NPRL3: variants seen among roughly 807,000 people sequenced by gnomAD.
NPRL3 encodes GATOR1 complex protein NPRL3.
NPRL3 carries 23 observed loss-of-function variants against 57.2 expected under a neutral mutation model. That is an observed-to-expected ratio of 0.40 (90% CI 0.29 to 0.57). The LOEUF is 0.57. Among genes scored for constraint, NPRL3 ranks in the 20% least tolerant of loss-of-function variants. NPRL3 has a pLI of 0.42. For synonymous variants in NPRL3, 333 were observed against 321.1 expected, an observed-to-expected ratio of 1.04 and a Z score of -0.39; for missense variants, 691 against 767.1, an observed-to-expected ratio of 0.90 and a Z score of 1.17.
chr16:88,382 C>T (rs1367597886), intron 13 of NPRL3, among the ~76,000 whole-genome samples: 7 of 69,058 alleles, frequency 1.0e-4, no homozygotes, highest in African/African-American at 4.9e-4. Flanking sequence ...AGCGAGACTC[C>T]GTCTCAAAAA....
chr16:115,283 A>G (rs550010682), intron 5 of NPRL3, among the ~76,000 whole-genome samples: 2 of 152,118 alleles, frequency 1.3e-5, no homozygotes, highest in Non-Finnish European at 2.9e-5. Context: ...ACAAAAGTGT[A>G]TATTTTAAAA....
At position 94,801 on chromosome 16, in the gene NPRL3, T is replaced by C. The variant is rs552094313; in HGVS notation, c.925-1476A>G. On this transcript the variant is annotated intron_variant, in intron 9 of 13. Transcript: ENST00000611875. Reference sequence around the variant, plus strand: ...TCCCTCACCCCACGTGCCACTCGCATGTCTCTCTCAAAAAGACACCCCCAC... The same window carrying C: ...TCCCTCACCCCACGTGCCACTCGCACGTCTCTCTCAAAAAGACACCCCCAC... Among the ~76,000 whole-genome samples the C allele has an allele frequency of 5.9e-5, 9 of 152,262 alleles. No individual in the cohort carries two copies. The East Asian group carries it at 1.7e-3, about 29-fold the overall frequency.
chr16:92,516 A>G (rs1447236440), intron 11 of NPRL3, 80 bp downstream of exon 11: 3 of 1,523,768 alleles, frequency 2.0e-6, no homozygotes, highest in Admixed American at 1.9e-5. Flanking sequence ...GGGCTCTCAG[A>G]TCAGAACCAA....
intron 7 of NPRL3, among the ~76,000 whole-genome samples, chr16:108,952 G>A (rs1000499189): frequency 5.3e-5 from 8 of 152,022 alleles, no homozygotes; most frequent in African/African-American, 1.4e-4. Context: ...TCACAGGTGT[G>A]AGCCACCGCG....
intron 9 of NPRL3, among the ~76,000 whole-genome samples, chr16:95,514 A>G (rs1286862753): frequency 6.6e-6 from 1 of 151,988 alleles, no homozygotes; most frequent in East Asian, 1.9e-4. Context: ...TAATTTTATC[A>G]TGACACACCC....
At chr16:107,757 G>A (rs1899601667) in intron 7 of NPRL3, among the ~76,000 whole-genome samples, 1 of 152,208 alleles carries the variant, frequency 6.6e-6, no homozygotes, top group South Asian at 2.1e-4. Flanking sequence ...GAACTCCTGG[G>A]CTCAAGTGAT....
chr16:94,078 G>A (rs1202471266), intron 9 of NPRL3, among the ~76,000 whole-genome samples: 3 of 94 alleles, frequency 0.032, no homozygotes, highest in African/African-American at 0.11. Context: ...CTCCAGCATG[G>A]CCTTGCCCGA....
At position 131,196 on chromosome 16, in the gene NPRL3, A is replaced by G. The variant is rs534746763; in HGVS notation, c.119-605T>C. 3.8e-4 allele frequency among the ~76,000 whole-genome samples: 58 copies of G among 152,126 alleles called. No individual in the cohort carries two copies. The East Asian group carries it at 5.2e-3, about 14-fold the overall frequency. On this transcript the variant is annotated intron_variant, in intron 2 of 13. Coordinates refer to ENST00000611875, the MANE Select transcript of NPRL3 (RefSeq NM_001077350.3). The stretch of plus-strand genomic sequence containing the variant: ...CTAAAAATACAAAAATTAGCCGGGC[A>G]TGGCTGAGCGCGGTGGTTCACGCCT...
intron 2 of NPRL3, among the ~76,000 whole-genome samples, chr16:135,519 G>A (rs946026088): frequency 1.4e-5 from 2 of 146,968 alleles, no homozygotes; most frequent in Non-Finnish European, 3.0e-5. Flanking sequence ...TGGGACAGGA[G>A]AATCGCTTGA....
intron 8 of NPRL3, among the ~76,000 whole-genome samples, chr16:98,563 C>A (rs1274970008): frequency 6.6e-6 from 1 of 152,228 alleles, no homozygotes; most frequent in Non-Finnish European, 1.5e-5. Flanking sequence ...CACAAACAGG[C>A]AGCTGGAGCC....
chr16:96,473 G>A (rs1899009822), intron 9 of NPRL3, among the ~76,000 whole-genome samples: 1 of 151,978 alleles, frequency 6.6e-6, no homozygotes, highest in African/African-American at 2.4e-5. Context: ...TGCTATGAAG[G>A]TGGGCAGGAC....
At chr16:104,679 C>G (rs1899453868) in intron 7 of NPRL3, among the ~76,000 whole-genome samples, 1 of 152,226 alleles carries the variant, frequency 6.6e-6, no homozygotes, top group African/African-American at 2.4e-5. Flanking sequence ...GCTGCTTTCT[C>G]CCTCAGAGCA....
At chr16:87,375 A>G (rs985702193) in intron 13 of NPRL3, among the ~76,000 whole-genome samples, 1 of 151,764 alleles carries the variant, frequency 6.6e-6, no homozygotes, top group Non-Finnish European at 1.5e-5. Context: ...CTGGGACTAC[A>G]GGAGTGCGCT....
At chr16:90,202 C>T (rs1898704807) in intron 11 of NPRL3, 3 of 395,154 alleles carry the variant, frequency 7.6e-6, no homozygotes, top group African/African-American at 4.3e-5. Flanking sequence ...GTGGAGGCCC[C>T]TGTGACTGCT....
chr16:89,904 T>C lies in NPRL3; in HGVS notation c.1162-2A>G, dbSNP rs756257487. 1.3e-5 allele frequency: 20 copies of C among 1,544,998 alleles called. No homozygotes were observed. The South Asian group carries it at 2.4e-4, about 19-fold the overall frequency. On this transcript the variant is annotated splice_acceptor_variant, in intron 11 of 13. Coordinates refer to ENST00000611875, the MANE Select transcript of NPRL3 (RefSeq NM_001077350.3). LOFTEE classifies it high-confidence loss of function. ...CACCACCATCTGGATGAGCTGGGTC[T>C]GCGGGTGGCAGCAGGTGAGGCTGGT...
At chr16:118,400 G>C (rs764409986) in intron 4 of NPRL3, among the ~76,000 whole-genome samples, 20 of 152,144 alleles carry the variant, frequency 1.3e-4, no homozygotes, top group Non-Finnish European at 2.2e-4. Context: ...AGAAAAATAA[G>C]TGCTAAATAA....
chr16:86,842 G>C lies in NPRL3; in HGVS notation c.1573C>G (p.His525Asp). 1.2e-6 allele frequency: 2 copies of C among 1,613,396 alleles called. No individual in the cohort carries two copies. Among genetic ancestry groups the C allele is most frequent in the Non-Finnish European group, 1.7e-6 (2 of 1,179,722 alleles). The change falls in exon 14 of 14, where the codon CAC (histidine) becomes GAC (aspartate). Residue 525 changes from histidine to aspartate, a missense_variant. Physicochemically the swap from His to Asp is moderately conservative, Grantham distance 81. Coordinates refer to ENST00000611875, the MANE Select transcript of NPRL3 (RefSeq NM_001077350.3). ...RLLHYFRGRHHLEEIMYNENT... is the reference protein window; with the variant it reads ...RLLHYFRGRHDLEEIMYNENT... ...TCGTTGTACATAATCTCCTCCAGGT[G>C]GTGGCGGCCGCGGAAGTAGTGAAGG...
intron 9 of NPRL3, 97 bp downstream of exon 9, chr16:98,048 G>T: frequency 6.9e-7 from 1 of 1,456,656 alleles, no homozygotes; most frequent in Non-Finnish European, 9.4e-7. Flanking sequence ...GCTCTCAGCT[G>T]GACACAGCCC....
chr16:89,668 C>T, intron 12 of NPRL3, 45 bp downstream of exon 12: 2 of 1,448,130 alleles, frequency 1.4e-6, no homozygotes, highest in East Asian at 5.2e-5. Flanking sequence ...ATGCCACCCC[C>T]AAGCGTCTCC....
Sources: allele counts gnomAD v4.1 joint callset (sites outside exome capture counted in the v4.1 genomes callset), GRCh38; gene constraint gnomAD v4.1.1; transcripts MANE v1.5; gene names NCBI Gene and HGNC (gene_info 2026-07-23, HGNC 2026-07-21).